CTNNA3: variants seen among roughly 807,000 people sequenced by gnomAD.
The protein encoded by CTNNA3 is catenin alpha-3.
CTNNA3 carries 76 observed loss-of-function variants against 95.7 expected under a neutral mutation model. The observed-to-expected ratio is 0.79, with a 90% CI of 0.66 to 0.96. The LOEUF is 0.96. Among genes scored for constraint, CTNNA3 ranks in the 40% least tolerant of loss-of-function variants. The pLI is 0.00. For missense variants in CTNNA3, 1,191 were observed against 1,089.8 expected, an observed-to-expected ratio of 1.09 and a Z score of -1.31; for synonymous variants, 431 against 374.4, an observed-to-expected ratio of 1.15 and a Z score of -1.74.
chr10:66,325,980 G>C (rs75982408), intron 12 of CTNNA3, among the ~76,000 whole-genome samples: 2,575 of 152,168 alleles, frequency 0.017, 79 homozygotes, highest in African/African-American at 0.059. Flanking sequence ...AAAAATGGCT[G>C]ATAAAAATGA....
At chr10:66,076,749 TG>T (rs976371797) in intron 14 of CTNNA3, among the ~76,000 whole-genome samples, 9 of 151,694 alleles carry the variant, frequency 5.9e-5, no homozygotes, top group African/African-American at 2.2e-4. Flanking sequence ...GATTGACATT[TG>T]TTCACACTTC....
intron 7 of CTNNA3, among the ~76,000 whole-genome samples, chr10:66,818,838 C>T (rs1842190907): frequency 6.6e-6 from 1 of 151,964 alleles, no homozygotes; most frequent in South Asian, 2.1e-4. Flanking sequence ...CATCGTAATC[C>T]CAGCACTTTG....
chr10:67,272,820 T>A (rs1406515020), intron 5 of CTNNA3, among the ~76,000 whole-genome samples: 1 of 152,176 alleles, frequency 6.6e-6, no homozygotes, highest in African/African-American at 2.4e-5. Flanking sequence ...TTACTCCATG[T>A]AGGTGCATGA....
At chr10:67,190,749 A>T (rs958358544) in intron 6 of CTNNA3, among the ~76,000 whole-genome samples, 30 of 152,038 alleles carry the variant, frequency 2.0e-4, no homozygotes, top group Non-Finnish European at 2.7e-4. Flanking sequence ...AACTATTACA[A>T]ATATGTTTGG....
intron 15 of CTNNA3, among the ~76,000 whole-genome samples, chr10:66,002,398 T>C (rs1432509617): frequency 1.3e-5 from 2 of 152,202 alleles, no homozygotes; most frequent in Non-Finnish European, 2.9e-5. Flanking sequence ...GAAGAACTTT[T>C]GGGATTCAAG....
intron 5 of CTNNA3, among the ~76,000 whole-genome samples, chr10:67,302,423 G>C (rs995523204): frequency 4.6e-5 from 7 of 152,194 alleles, no homozygotes; most frequent in Non-Finnish European, 5.9e-5. Context: ...TAGATTTTAA[G>C]TGTTCTCACC....
intron 7 of CTNNA3, among the ~76,000 whole-genome samples, chr10:67,039,314 A>C (rs1318825469): frequency 6.6e-6 from 1 of 152,170 alleles, no homozygotes; most frequent in Admixed American, 6.5e-5. Flanking sequence ...TTTCCAGTTA[A>C]CATAAATGCT....
intron 9 of CTNNA3, among the ~76,000 whole-genome samples, chr10:66,714,405 A>G (rs1166893226): frequency 1.3e-5 from 2 of 152,154 alleles, no homozygotes; most frequent in Non-Finnish European, 2.9e-5. Context: ...ATACACAGTT[A>G]TCCTCAACAC....
chr10:66,862,478 A>G (rs561219143), intron 7 of CTNNA3, among the ~76,000 whole-genome samples: 2 of 152,264 alleles, frequency 1.3e-5, no homozygotes, highest in South Asian at 2.1e-4. Flanking sequence ...ACTACTCTAG[A>G]ATGATGGTCA....
chr10:66,099,445 A>G (rs1264710313), intron 14 of CTNNA3, among the ~76,000 whole-genome samples: 6 of 152,146 alleles, frequency 3.9e-5, no homozygotes, highest in Non-Finnish European at 8.8e-5. Flanking sequence ...GGAGTATGGA[A>G]CACAGATATT....
chr10:66,620,075 CTGTATGTTGAA>C (rs1486076086), intron 10 of CTNNA3, among the ~76,000 whole-genome samples: 1 of 152,058 alleles, frequency 6.6e-6, no homozygotes, highest in Admixed American at 6.6e-5. Context: ...GAATAAATAT[CTGTATGTTGAA>C]TAATAATACT....
intron 9 of CTNNA3, among the ~76,000 whole-genome samples, chr10:66,661,206 T>TA (rs1846252242): frequency 6.6e-6 from 1 of 152,122 alleles, no homozygotes; most frequent in Non-Finnish European, 1.5e-5. Flanking sequence ...ATACTGCTGA[T>TA]AAAAACATGT....
At chr10:66,266,340 T>G (rs1193008649) in intron 13 of CTNNA3, among the ~76,000 whole-genome samples, 1 of 152,010 alleles carries the variant, frequency 6.6e-6, no homozygotes, top group East Asian at 1.9e-4. Context: ...AATCCTGTGC[T>G]CACCACAGCC....
intron 1 of CTNNA3, among the ~76,000 whole-genome samples, chr10:67,683,823 G>A (rs1023382375): frequency 2.0e-5 from 3 of 152,152 alleles, no homozygotes; most frequent in Non-Finnish European, 4.4e-5. Context: ...CAGGAGTGAA[G>A]CCACAGACCT....
At chr10:67,348,184 T>C (rs1327866061) in intron 5 of CTNNA3, among the ~76,000 whole-genome samples, 2 of 152,110 alleles carry the variant, frequency 1.3e-5, no homozygotes, top group Non-Finnish European at 2.9e-5. Flanking sequence ...GACCTGAAAC[T>C]ATAAAACTTC....
intron 1 of CTNNA3, among the ~76,000 whole-genome samples, chr10:67,722,244 G>A (rs75001330): frequency 6.6e-6 from 1 of 152,282 alleles, no homozygotes; most frequent in African/African-American, 2.4e-5. Context: ...CTGACTATTA[G>A]TTTGGGAATA....
intron 10 of CTNNA3, among the ~76,000 whole-genome samples, chr10:66,550,648 A>ATACAG (rs2132106305): frequency 6.6e-6 from 1 of 152,230 alleles, no homozygotes; most frequent in Non-Finnish European, 1.5e-5. Context: ...GTAATTACTG[A>ATACAG]TGTGGATAAT....
intron 11 of CTNNA3, among the ~76,000 whole-genome samples, chr10:66,432,457 T>A (rs7898691): frequency 1.3e-5 from 2 of 151,780 alleles, no homozygotes; most frequent in African/African-American, 4.8e-5. Flanking sequence ...AGGAGATCAA[T>A]ACCATCCTGG....
chr10:66,245,842 A>C (rs1006764358), intron 13 of CTNNA3, among the ~76,000 whole-genome samples: 1 of 152,056 alleles, frequency 6.6e-6, no homozygotes, highest in Non-Finnish European at 1.5e-5. Flanking sequence ...GACATCTCCC[A>C]CTCTCAGCAG....
Sources: allele counts gnomAD v4.1 joint callset (sites outside exome capture counted in the v4.1 genomes callset), GRCh38; gene constraint gnomAD v4.1.1; transcripts MANE v1.5; gene names NCBI Gene and HGNC (gene_info 2026-07-23, HGNC 2026-07-21).